Variants in RPL37A observed in about 807,000 individuals in gnomAD.
RPL37A encodes the protein ribosomal protein L37a.
A neutral mutation model predicts 13.6 loss-of-function variants in RPL37A; 5 were observed. The ratio of observed to expected loss-of-function variants is 0.37; its 90% confidence interval spans 0.19 to 0.78. The LOEUF (loss-of-function observed/expected upper bound fraction) is 0.78. RPL37A is among the 30% of genes least tolerant of loss of function. RPL37A has a pLI of 0.49. For synonymous variants in RPL37A, 50 were observed against 44.4 expected, an observed-to-expected ratio of 1.13 and a Z score of -0.50; for missense variants, 77 against 120.0, an observed-to-expected ratio of 0.64 and a Z score of 1.67.
chr2:216,500,430 A>G (rs1218767085), intron 3 of RPL37A: 2 of 273,818 alleles, frequency 7.3e-6, no homozygotes, highest in Non-Finnish European at 1.4e-5. Flanking sequence ...GGACCACCAC[A>G]GTTTCGTCTT....
At chr2:216,500,565 C>T (rs945397271) in intron 3 of RPL37A, 3 of 154,636 alleles carry the variant, frequency 1.9e-5, no homozygotes, top group Non-Finnish European at 4.3e-5. Flanking sequence ...ACACTAAGCA[C>T]ATATATGGCT....
Position 216,498,981 on chromosome 2 carries a change from C to T in RPL37A, c.3+104C>T, listed in dbSNP as rs144905594. On this transcript the variant is annotated intron_variant, in intron 1 of 3. Coordinates refer to ENST00000491306, the MANE Select transcript of RPL37A (RefSeq NM_000998.5). Reference sequence around the variant, plus strand: ...TCTCCTGCCTTACCCCGTGTTCTCTCCTGTCTCCATGCCTTTGCAGGAGAC... The same window carrying T: ...TCTCCTGCCTTACCCCGTGTTCTCTTCTGTCTCCATGCCTTTGCAGGAGAC... 3,643 of 1,506,454 alleles carry T rather than the reference C, an allele frequency of 2.4e-3. 76 individuals carry two copies. In the African/African-American group the frequency reaches 0.045, roughly 19 times the overall value. 93.3% of individuals were successfully genotyped at this position (1,506,454 alleles called of 1,614,324 possible).
Position 216,501,416 on chromosome 2 carries a change from C to T in RPL37A, c.*12C>T. 2 of 1,594,118 alleles carry T rather than the reference C, an allele frequency of 1.3e-6. No individual in the cohort carries two copies. The highest frequency in any genetic ancestry group is 1.7e-6 in the Non-Finnish European group (2 of 1,164,102). On this transcript the variant is annotated 3_prime_UTR_variant, in exon 4 of 4. Transcript: ENST00000491306. ...TGAAAGACCAGTAGACGCTCCTCTACTCTTTGAGACATCACTGGCCTATAA... is the reference window on the plus strand; with the variant it reads ...TGAAAGACCAGTAGACGCTCCTCTATTCTTTGAGACATCACTGGCCTATAA...
chr2:216,499,520 T>C (rs1369348063), intron 2 of RPL37A, 122 bp downstream of exon 2: 2 of 1,164,024 alleles, frequency 1.7e-6, no homozygotes, highest in African/African-American at 3.1e-5. Context: ...ACTCATACCG[T>C]TGATTATGAG....
rs964854223 is a variant in RPL37A, at chr2:216,503,504, C to G, written c.*2100C>G. ...CTACCTCCCGGGTTCAAGCAGTTCT[C>G]GTGCCTCAGCCTCCGAAGTAGCTGG... On this transcript the variant is annotated 3_prime_UTR_variant, in exon 4 of 4. Coordinates refer to ENST00000491306, the MANE Select transcript of RPL37A (RefSeq NM_000998.5). The G allele has an allele frequency of 6.6e-6, 1 of 152,180 alleles. No individual in the cohort carries two copies. The highest frequency in any genetic ancestry group is 1.9e-4 in the East Asian group (1 of 5,190). 9.4% of individuals were successfully genotyped at this position (152,180 alleles called of 1,614,324 possible).
At position 216,501,458 on chromosome 2, in the gene RPL37A, T is replaced by C. The variant is rs1340016417; in HGVS notation, c.*54T>C. 15 of 1,296,324 alleles carry C rather than the reference T, an allele frequency of 1.2e-5. 1 individual carries two copies. The highest frequency in any genetic ancestry group is 5.2e-4 in the Middle Eastern group (2 of 3,810). 80.3% of individuals were successfully genotyped at this position (1,296,324 alleles called of 1,614,324 possible). A position where few individuals can be genotyped will look rare whatever the true frequency, so the allele number is the denominator to read the frequency against. ...GGCCTATAATAAATGGGTTAATTTA[T>C]GTAACAAAATTGCCTTGGCTTGTTA... On this transcript the variant is annotated 3_prime_UTR_variant, in exon 4 of 4. Transcript: ENST00000491306.
At chr2:216,500,395 C>G (rs1695579644) in intron 3 of RPL37A, 3 of 293,724 alleles carry the variant, frequency 1.0e-5, no homozygotes, top group Admixed American at 4.9e-5. Context: ...TAGTTCAAAA[C>G]TGTATTTGGA....
chr2:216,502,771 C>G lies in RPL37A; in HGVS notation c.*1367C>G, dbSNP rs1284391359. The G allele has an allele frequency of 2.0e-5, 3 of 152,190 alleles. No individual in the cohort carries two copies. Among genetic ancestry groups the G allele is most frequent in the African/African-American group, 4.8e-5 (2 of 41,452 alleles). The allele number at this position is 152,190 out of a possible 1,614,324, so 9.4% of individuals were successfully genotyped here. On this transcript the variant is annotated 3_prime_UTR_variant, in exon 4 of 4. Transcript: ENST00000491306. ...CTTCATCTTTAGGACAGAGTAAAAA[C>G]CTTTATTTCACTTGGTCTGACCCCT... is the stretch of plus-strand genomic sequence containing the variant.
Position 216,503,562 on chromosome 2 carries a change from T to G in RPL37A, c.*2158T>G, listed in dbSNP as rs2106112125. ...GGCTTATGCCACAAAGCTCAGCTAG[T>G]TTTTGTATTTTTTATTTTTAGTAGA... On this transcript the variant is annotated 3_prime_UTR_variant, in exon 4 of 4. Transcript: ENST00000491306. 1 of 152,142 alleles carries G rather than the reference T, an allele frequency of 6.6e-6. No individual in the cohort carries two copies. The highest frequency in any genetic ancestry group is 2.1e-4 in the South Asian group (1 of 4,826). The allele number at this position is 152,142 out of a possible 1,614,324, so 9.4% of individuals were successfully genotyped here.
chr2:216,501,279 T>C, intron 3 of RPL37A, 62 bp from the exon 4 acceptor site: 1 of 1,397,178 alleles, frequency 7.2e-7, no homozygotes, highest in Admixed American at 1.8e-5. Context: ...GCAGATTTAC[T>C]TATTTGCCAT....
At chr2:216,499,907 ATACT>A (rs749813385) in intron 2 of RPL37A, 38 bp from the exon 3 acceptor site, 89 of 1,526,020 alleles carry the variant, frequency 5.8e-5, no homozygotes, top group Admixed American at 1.3e-4. Flanking sequence ...GTAAGAGAAA[ATACT>A]TACTTGGTTC....
Position 216,503,851 on chromosome 2 carries a change from T to G in RPL37A, c.*2447T>G, listed in dbSNP as rs565148634. 2.0e-5 allele frequency: 3 copies of G among 152,210 alleles called. No individual in the cohort carries two copies. The highest frequency in any genetic ancestry group is 4.4e-5 in the Non-Finnish European group (3 of 68,042). The allele number at this position is 152,210 out of a possible 1,614,324, so 9.4% of individuals were successfully genotyped here. ...AGGTGATGTAGATAGGGCTGAAGAT[T>G]AGATTTCTGGCTCCTATCTGTGATT... On this transcript the variant is annotated 3_prime_UTR_variant, in exon 4 of 4. Transcript: ENST00000491306.
Position 216,499,404 on chromosome 2 carries a change from T to G in RPL37A, c.132+6T>G, listed in dbSNP as rs1264123418. The G allele has an allele frequency of 6.2e-7, 1 of 1,613,784 alleles. No homozygotes were observed. The highest frequency in any genetic ancestry group is 2.2e-5 in the East Asian group (1 of 44,884). ...CTTGCTCTTTCTGTGGCAAAGTAAG[T>G]AAGGCAAAGTCTCTGGTGAGAGGAG... is the stretch of plus-strand genomic sequence containing the variant. On this transcript the variant is annotated splice_donor_region_variant and intron_variant, in intron 2 of 3. Coordinates refer to ENST00000491306, the MANE Select transcript of RPL37A (RefSeq NM_000998.5).
Position 216,500,795 on chromosome 2 carries a change from T to C in RPL37A, c.216-546T>C, listed in dbSNP as rs188344201. On this transcript the variant is annotated intron_variant, in intron 3 of 3. Coordinates refer to ENST00000491306, the MANE Select transcript of RPL37A (RefSeq NM_000998.5). ...TTTCAGGTATAGTTCCTGAATTTTATGGTAAAACTTTTGTAGTCATTTCAA... is the reference window on the plus strand; with the variant it reads ...TTTCAGGTATAGTTCCTGAATTTTACGGTAAAACTTTTGTAGTCATTTCAA... The C allele has an allele frequency of 3.3e-5, 5 of 152,484 alleles. No individual in the cohort carries two copies. The East Asian group carries it at 9.6e-4, about 29-fold the overall frequency. The allele number at this position is 152,484 out of a possible 1,614,324, so 9.4% of individuals were successfully genotyped here.
At chr2:216,500,708 G>A (rs1695585518) in intron 3 of RPL37A, 2 of 152,246 alleles carry the variant, frequency 1.3e-5, no homozygotes, top group Admixed American at 1.3e-4. Context: ...GGGAACTAGA[G>A]TGCTTTCTTG....
In RPL37A at chr2:216,498,947, C is replaced by G. The variant is rs112204919; in HGVS notation, c.3+70C>G. The G allele has an allele frequency of 2.3e-4, 367 of 1,587,442 alleles. 2 individuals are homozygous for G. In the African/African-American group the frequency reaches 4.2e-3, roughly 18 times the overall value. On this transcript the variant is annotated intron_variant, in intron 1 of 3. Coordinates refer to ENST00000491306, the MANE Select transcript of RPL37A (RefSeq NM_000998.5). ...TCTGTCCTTGTTTTCTTCTCCCGCA[C>G]CCATCTCCTCTCCTGCCTTACCCCG...
chr2:216,499,992 C>T lies in RPL37A; in HGVS notation c.176C>T (p.Ser59Phe). 1 of 1,614,026 alleles carries T rather than the reference C, an allele frequency of 6.2e-7. No homozygotes were observed. The highest frequency in any genetic ancestry group is 8.5e-7 in the Non-Finnish European group (1 of 1,179,988). ...GCTGTGGGGATCTGGCACTGTGGTT[C>T]CTGCATGAAGACAGTGGCTGGCGGT... ...RRAVGIWHCGSCMKTVAGGAW... is the reference protein window; with the variant it reads ...RRAVGIWHCGFCMKTVAGGAW... The change falls in exon 3 of 4, where the codon TCC becomes TTC. Residue 59 changes from serine (S) to phenylalanine (F), a missense_variant. Transcript: ENST00000491306.
rs1324002966 is a variant in RPL37A, at chr2:216,501,684, G to A, written c.*280G>A. 3.6e-6 allele frequency: 1 copy of A among 275,902 alleles called. No homozygotes were observed. The highest frequency in any genetic ancestry group is 2.2e-5 in the African/African-American group (1 of 44,964). The allele number at this position is 275,902 out of a possible 1,614,324, so 17.1% of individuals were successfully genotyped here. A position where few individuals can be genotyped will look rare whatever the true frequency, so the allele number is the denominator to read the frequency against. ...TGCCAGTTTGACTTTGAGATACATT[G>A]GAGCCAACTGTAAACTTTAGTTTTT... On this transcript the variant is annotated 3_prime_UTR_variant, in exon 4 of 4. Transcript: ENST00000491306.
In RPL37A at chr2:216,498,887, G is replaced by A. The variant is rs746587684; in HGVS notation, c.3+10G>A. The stretch of plus-strand genomic sequence containing the variant: ...AGGTCGCGGCGACATGGTGAGTGTG[G>A]GTCTCTGTGCGGCCTAGAACTCTAT... On this transcript the variant is annotated intron_variant, in intron 1 of 3. Transcript: ENST00000491306. 1 of 1,613,488 alleles carries A rather than the reference G, an allele frequency of 6.2e-7. No homozygotes were observed. Among genetic ancestry groups the A allele is most frequent in the East Asian group, 2.2e-5 (1 of 44,872 alleles).
Sources: gnomAD v4.1 joint callset for allele counts on GRCh38, gnomAD v4.1.1 for gene constraint, MANE v1.5 for transcripts, NCBI Gene and HGNC (gene_info 2026-07-23, HGNC 2026-07-21) for gene names.